GC: variants seen among roughly 807,000 people sequenced by gnomAD.
GC encodes vitamin D-binding protein.
Under a neutral mutation model 56.7 loss-of-function variants are expected in GC, and 43 were observed. The ratio of observed to expected loss-of-function variants is 0.76; its 90% CI spans 0.59 to 0.98. The LOEUF is 0.98. Among genes scored for constraint, GC ranks in the 50% least tolerant of loss-of-function variants. The pLI is 0.00. For synonymous variants in GC, 216 were observed against 202.7 expected, an observed-to-expected ratio of 1.07 and a Z score of -0.56; for missense variants, 529 against 545.9, an observed-to-expected ratio of 0.97 and a Z score of 0.31.
intron 12 of GC, among the ~76,000 whole-genome samples, chr4:71,744,837 G>A (rs944419191): frequency 7.2e-5 from 11 of 152,028 alleles, no homozygotes; most frequent in Admixed American, 1.3e-4. Flanking sequence ...GGGGGAGGAT[G>A]TAATAATTTA....
intron 1 of GC, among the ~76,000 whole-genome samples, chr4:71,771,655 T>C (rs1417967872): frequency 2.6e-5 from 4 of 152,096 alleles, no homozygotes; most frequent in Non-Finnish European, 5.9e-5. Flanking sequence ...TAATTGTTAG[T>C]GGAACCAAAA....
chr4:71,765,068 A>T (rs1274760157), intron 4 of GC, among the ~76,000 whole-genome samples: 1 of 152,194 alleles, frequency 6.6e-6, no homozygotes, highest in Non-Finnish European at 1.5e-5. Context: ...AGTATTTAAA[A>T]TGTGTACAGC....
chr4:71,749,594 A>G (rs1741482028), intron 11 of GC, among the ~76,000 whole-genome samples: 1 of 152,186 alleles, frequency 6.6e-6, no homozygotes, highest in Non-Finnish European at 1.5e-5. Context: ...AGGTGATTTT[A>G]TTTTTCTAGG....
chr4:71,742,663 G>A (rs929317749), intron 12 of GC, among the ~76,000 whole-genome samples: 4 of 152,164 alleles, frequency 2.6e-5, no homozygotes, highest in Admixed American at 2.0e-4. Flanking sequence ...AAAATACCTG[G>A]CTTTGTGAGA....
chr4:71,754,206 C>T (rs1243665585), intron 10 of GC, among the ~76,000 whole-genome samples: 1 of 152,182 alleles, frequency 6.6e-6, no homozygotes, highest in African/African-American at 2.4e-5. Flanking sequence ...CTTCACCCCT[C>T]TCCTACCCTC....
chr4:71,768,228 A>G, intron 3 of GC, 73 bp downstream of exon 3: 2 of 1,317,188 alleles, frequency 1.5e-6, no homozygotes, highest in East Asian at 2.6e-5. Flanking sequence ...AATTTTTTCA[A>G]CACGTGGTAT....
At chr4:71,786,547 T>A (rs1742843501), upstream of GC, among the ~76,000 whole-genome samples, 1 of 151,752 alleles carries the variant, frequency 6.6e-6, no homozygotes, top group South Asian at 2.1e-4. Context: ...GTTTTTCCTG[T>A]AAAAAACTGA....
rs1406694422 is a variant in GC, at chr4:71,754,497, T to C, written c.1176A>G (p.Leu392=). ...TTCFNAKGPL[L]KKELSSFIDK... The stretch of plus-strand genomic sequence containing the variant: ...CAATGAAAGAAGATAGTTCCTTCTT[T>C]AGTAGAGGGCCCTGTAAGAAAACAA... The change falls in exon 10 of 13, where the codon CTA becomes CTG. Residue 392 remains leucine (L), a synonymous_variant. Coordinates refer to ENST00000273951, the MANE Select transcript of GC (RefSeq NM_000583.4). The C allele has an allele frequency of 1.9e-6, 3 of 1,539,866 alleles. No homozygotes were observed. Among genetic ancestry groups the C allele is most frequent in the Admixed American group, 3.4e-5 (2 of 59,356 alleles).
At chr4:71,765,719 T>C in intron 3 of GC, 76 bp from the exon 4 acceptor site, 1 of 864,110 alleles carries the variant, frequency 1.2e-6, no homozygotes, top group Non-Finnish European at 1.9e-6. Context: ...TAATATAATA[T>C]CTTAGCCTAT....
chr4:71,792,145 T>G (rs1742986126), intron 1 of GC, among the ~76,000 whole-genome samples: 1 of 152,238 alleles, frequency 6.6e-6, no homozygotes, highest in Non-Finnish European at 1.5e-5. Flanking sequence ...TGTGTCTTTA[T>G]AGTAGCATGA....
chr4:71,796,063 G>T (rs548173454), intron 1 of GC, among the ~76,000 whole-genome samples: 5 of 152,162 alleles, frequency 3.3e-5, no homozygotes, highest in African/African-American at 1.2e-4. Context: ...TGGGTAACCC[G>T]ACCTTTCTCT....
chr4:71,778,894 A>ATTGT, intron 1 of GC, among the ~76,000 whole-genome samples: 1 of 144,572 alleles, frequency 6.9e-6, no homozygotes, highest in South Asian at 2.1e-4. Context: ...GCTGTCAGTT[A>ATTGT]TTATTATTAT....
chr4:71,751,452 A>C (rs1358023959), intron 11 of GC, among the ~76,000 whole-genome samples: 3 of 152,212 alleles, frequency 2.0e-5, no homozygotes, highest in Admixed American at 6.5e-5. Context: ...GATTAGATAA[A>C]CACTAATTCA....
chr4:71,780,712 A>G (rs1742647612), intron 1 of GC, among the ~76,000 whole-genome samples: 3 of 152,060 alleles, frequency 2.0e-5, no homozygotes, highest in Non-Finnish European at 4.4e-5. Context: ...TTAGAATGGC[A>G]ATCATTAAAA....
intron 11 of GC, among the ~76,000 whole-genome samples, chr4:71,750,208 A>G (rs914228672): frequency 2.0e-5 from 3 of 152,238 alleles, no homozygotes; most frequent in Non-Finnish European, 4.4e-5. Flanking sequence ...GACATTTTCT[A>G]GTTGATAGAG....
Position 71,754,491 on chromosome 4 carries a change from C to A in GC, c.1182G>T (p.Lys394Asn). 1 of 1,564,500 alleles carries A rather than the reference C, an allele frequency of 6.4e-7. No individual in the cohort carries two copies. The highest frequency in any genetic ancestry group is 2.2e-5 in the East Asian group (1 of 44,592). Residue 394 changes from lysine (K) to asparagine (N), a missense_variant, in exon 10 of 13, where the codon AAG (lysine) becomes AAT (asparagine). Transcript: ENST00000273951. ...CCTTGTCAATGAAAGAAGATAGTTCCTTCTTTAGTAGAGGGCCCTGTAAGA... is the reference window on the plus strand; with the variant it reads ...CCTTGTCAATGAAAGAAGATAGTTCATTCTTTAGTAGAGGGCCCTGTAAGA... ...CFNAKGPLLK[K>N]ELSSFIDKGQ...
chr4:71,748,337 G>T (rs772374144), intron 11 of GC, among the ~76,000 whole-genome samples: 2 of 152,048 alleles, frequency 1.3e-5, no homozygotes, highest in Non-Finnish European at 2.9e-5. Flanking sequence ...GACAGGTGGT[G>T]GGGGGTAGAC....
chr4:71,750,185 C>T (rs543891505), intron 11 of GC, among the ~76,000 whole-genome samples: 151 of 152,170 alleles, frequency 9.9e-4, no homozygotes, highest in African/African-American at 3.5e-3. Flanking sequence ...GCTGCTATTG[C>T]GAACAGAGAA....
chr4:71,792,802 T>C (rs931753779), intron 1 of GC, among the ~76,000 whole-genome samples: 1 of 152,234 alleles, frequency 6.6e-6, no homozygotes, highest in Non-Finnish European at 1.5e-5. Flanking sequence ...AGGTCTAATA[T>C]GTAAGCCTTT....
Sources: allele counts gnomAD v4.1 joint callset (sites outside exome capture counted in the v4.1 genomes callset), GRCh38; gene constraint gnomAD v4.1.1; transcripts MANE v1.5; gene names NCBI Gene and HGNC (gene_info 2026-07-23, HGNC 2026-07-21).